Variants in CDH12 observed in about 807,000 individuals in gnomAD.
CDH12 encodes the protein cadherin 12, also known as cadherin-12.
Under a neutral mutation model 74.1 loss-of-function variants are expected in CDH12, and 41 were observed. The observed-to-expected ratio is 0.55, with a 90% CI of 0.43 to 0.72. The LOEUF is 0.72. Among genes scored for constraint, CDH12 ranks in the 30% least tolerant of loss-of-function variants. CDH12 has a pLI of 0.00. For synonymous variants in CDH12, 399 were observed against 355.0 expected (o/e 1.12, Z -1.39); for missense variants, 945 against 977.2 (o/e 0.97, Z 0.44).
rs1258127168 is a variant in CDH12, at chr5:22,171,499, G to A, written c.-187+40999C>T. On this transcript the variant is annotated intron_variant, in intron 4 of 14. Transcript: ENST00000382254. ...TGGCATACATTTAGACTTTCCAAAT[G>A]AGCTAAGCAAAGGGCGGCCTTCTAT... Among the ~76,000 whole-genome samples, 5 of 151,880 alleles carry A rather than the reference G, an allele frequency of 3.3e-5. No individual in the cohort carries two copies. In the East Asian group the frequency reaches 9.6e-4, roughly 29 times the overall value.
At chr5:22,083,370 C>T (rs1481461601) in intron 4 of CDH12, among the ~76,000 whole-genome samples, 3 of 152,064 alleles carry the variant, frequency 2.0e-5, no homozygotes, top group Non-Finnish European at 4.4e-5. Flanking sequence ...GGAGTGTACT[C>T]ATGTGATTAT....
chr5:22,234,583 C>CT (rs747291648), intron 3 of CDH12, among the ~76,000 whole-genome samples: 6,113 of 140,580 alleles, frequency 0.043, 429 homozygotes, highest in African/African-American at 0.15. Flanking sequence ...TTTTGTTTTG[C>CT]TTTTTTTTTT....
At chr5:22,200,759 T>C (rs1750883064) in intron 4 of CDH12, among the ~76,000 whole-genome samples, 1 of 152,216 alleles carries the variant, frequency 6.6e-6, no homozygotes, top group African/African-American at 2.4e-5. Flanking sequence ...TATGAATAAA[T>C]AACTATATTT....
chr5:22,578,314 C>G (rs561540099), intron 1 of CDH12, among the ~76,000 whole-genome samples: 1 of 150,930 alleles, frequency 6.6e-6, no homozygotes, highest in African/African-American at 2.4e-5. Flanking sequence ...TATAAAATTG[C>G]GTCTAAATCT....
At chr5:22,478,784 T>C (rs969492634) in intron 2 of CDH12, among the ~76,000 whole-genome samples, 1 of 152,160 alleles carries the variant, frequency 6.6e-6, no homozygotes, top group Non-Finnish European at 1.5e-5. Context: ...CTCTATATCA[T>C]AAATATTGAT....
At chr5:21,833,526 T>TAATATATTATATAATCTATGG (rs1749350462) in intron 8 of CDH12, among the ~76,000 whole-genome samples, 1 of 74,172 alleles carries the variant, frequency 1.3e-5, no homozygotes, top group Non-Finnish European at 2.3e-5. Context: ...ATGTGATATG[T>TAATATATTATATAATCTATGG]CATATATTAT....
chr5:22,747,623 A>G (rs914647618), intron 1 of CDH12, among the ~76,000 whole-genome samples: 6 of 150,766 alleles, frequency 4.0e-5, no homozygotes, highest in South Asian at 2.1e-4. Flanking sequence ...AAAAAAAAAA[A>G]AGAGAAGAAA....
At chr5:21,823,706 C>A (rs772006943) in intron 8 of CDH12, among the ~76,000 whole-genome samples, 30 of 152,006 alleles carry the variant, frequency 2.0e-4, no homozygotes, top group Non-Finnish European at 4.3e-4. Context: ...TGCTTAAGTA[C>A]TCCCTTTACT....
intron 4 of CDH12, among the ~76,000 whole-genome samples, chr5:22,140,053 T>G (rs2150296659): frequency 6.6e-6 from 1 of 152,170 alleles, no homozygotes; most frequent in African/African-American, 2.4e-5. Context: ...TCCCCGGAAC[T>G]TTCACCCCTT....
chr5:21,924,308 G>A (rs1277481053), intron 6 of CDH12, among the ~76,000 whole-genome samples: 1 of 152,140 alleles, frequency 6.6e-6, no homozygotes, highest in African/African-American at 2.4e-5. Context: ...CCGAGGTCAG[G>A]AGTTTGAGAC....
intron 5 of CDH12, among the ~76,000 whole-genome samples, chr5:22,048,884 C>T (rs1740149005): frequency 6.6e-6 from 1 of 151,866 alleles, no homozygotes; most frequent in Non-Finnish European, 1.5e-5. Context: ...TAACTCAGCA[C>T]AGAACTGTAT....
intron 3 of CDH12, among the ~76,000 whole-genome samples, chr5:22,307,873 G>GTTTTTTTTTTTTTTTTTTTT (rs35242143): frequency 1.5e-5 from 1 of 68,676 alleles, no homozygotes. Flanking sequence ...CTTTCTTTTA[G>GTTTTTTTTTTTTTTTTTTTT]TTTTTTTTTT....
At chr5:21,978,432 T>G (rs982575438) in intron 5 of CDH12, among the ~76,000 whole-genome samples, 3 of 152,206 alleles carry the variant, frequency 2.0e-5, no homozygotes, top group African/African-American at 7.2e-5. Flanking sequence ...CATGAGCCAC[T>G]GCGCCCTGCC....
chr5:22,707,740 A>G (rs565567150), intron 1 of CDH12, among the ~76,000 whole-genome samples: 1 of 152,298 alleles, frequency 6.6e-6, no homozygotes, highest in South Asian at 2.1e-4. Context: ...CCTTTCAAAA[A>G]TACAAAATCA....
intron 3 of CDH12, among the ~76,000 whole-genome samples, chr5:22,342,645 T>A: frequency 6.8e-6 from 1 of 146,606 alleles, no homozygotes; most frequent in Non-Finnish European, 1.5e-5. Context: ...TTTCTCTTTC[T>A]TATTTTTCTT....
chr5:22,291,358 C>A (rs1271068328), intron 3 of CDH12, among the ~76,000 whole-genome samples: 1 of 152,044 alleles, frequency 6.6e-6, no homozygotes. Flanking sequence ...GAGGTCCTTA[C>A]CAGAGCAATT....
At chr5:22,151,234 C>T (rs1747560534) in intron 4 of CDH12, among the ~76,000 whole-genome samples, 1 of 152,056 alleles carries the variant, frequency 6.6e-6, no homozygotes, top group Non-Finnish European at 1.5e-5. Flanking sequence ...CAGCCTGATA[C>T]TGAAACTCTG....
At chr5:21,812,026 T>A (rs1000282927) in intron 9 of CDH12, among the ~76,000 whole-genome samples, 1 of 152,050 alleles carries the variant, frequency 6.6e-6, no homozygotes, top group African/African-American at 2.4e-5. Flanking sequence ...CCTCCCTCTA[T>A]ACAGGAAATA....
intron 1 of CDH12, among the ~76,000 whole-genome samples, chr5:22,822,847 T>G (rs539507021): frequency 2.0e-5 from 3 of 152,220 alleles, no homozygotes; most frequent in East Asian, 3.9e-4. Flanking sequence ...GATCTAGAAC[T>G]GGAAATACCA....
Sources: gnomAD v4.1 joint callset for allele counts (sites outside exome capture counted in the v4.1 genomes callset) on GRCh38, gnomAD v4.1.1 for gene constraint, MANE v1.5 for transcripts, NCBI Gene and HGNC (gene_info 2026-07-23, HGNC 2026-07-21) for gene names.